PARP8: variants seen among roughly 807,000 people sequenced by gnomAD.
PARP8 encodes protein mono-ADP-ribosyltransferase PARP8.
A neutral mutation model predicts 124.1 loss-of-function variants in PARP8; 51 were observed. That is an observed-to-expected ratio of 0.41 (90% CI 0.33 to 0.52). The LOEUF (loss-of-function observed/expected upper bound fraction) is 0.52, where lower values mean the gene tolerates loss of function less well. Among genes scored for constraint, PARP8 ranks in the 20% least tolerant of loss-of-function variants. PARP8 has a pLI of 0.21. For synonymous variants in PARP8, 391 were observed against 361.5 expected, an observed-to-expected ratio of 1.08 and a Z score of -0.93; for missense variants, 860 against 1,018.9, an observed-to-expected ratio of 0.84 and a Z score of 2.12.
chr5:50,756,667 T>G (rs282552), intron 3 of PARP8, among the ~76,000 whole-genome samples: 135,978 of 152,152 alleles, frequency 0.89, 60,800 homozygotes, highest in East Asian at 0.96. Flanking sequence ...TATAGTCAAG[T>G]TATACAACAG....
At chr5:50,674,667 A>G (rs1247748120) in intron 2 of PARP8, among the ~76,000 whole-genome samples, 3 of 152,080 alleles carry the variant, frequency 2.0e-5, no homozygotes, top group Non-Finnish European at 4.4e-5. Flanking sequence ...CATGCTTCCT[A>G]ACATCTACAT....
chr5:50,722,139 G>A (rs1755954549), intron 2 of PARP8, among the ~76,000 whole-genome samples: 1 of 152,046 alleles, frequency 6.6e-6, no homozygotes, highest in Non-Finnish European at 1.5e-5. Flanking sequence ...CTGAGTAGTT[G>A]TTTTTGAGAA....
At chr5:50,686,677 A>G (rs1359234370) in intron 2 of PARP8, among the ~76,000 whole-genome samples, 1 of 152,188 alleles carries the variant, frequency 6.6e-6, no homozygotes, top group Non-Finnish European at 1.5e-5. Flanking sequence ...TACATCCTCT[A>G]AAATCTAGAG....
chr5:50,744,421 G>A (rs2149539769), intron 2 of PARP8, among the ~76,000 whole-genome samples: 1 of 152,312 alleles, frequency 6.6e-6, no homozygotes, highest in East Asian at 1.9e-4. Flanking sequence ...TAGATATGGA[G>A]CAACTGACAG....
chr5:50,730,985 AG>A (rs1374846856), intron 2 of PARP8, among the ~76,000 whole-genome samples: 1 of 152,246 alleles, frequency 6.6e-6, no homozygotes, highest in African/African-American at 2.4e-5. Context: ...ACTTTGAGCA[AG>A]AAAGATTAGA....
chr5:50,824,835 C>G (rs2149707358), intron 17 of PARP8, 73 bp from the exon 18 acceptor site: 2 of 1,276,676 alleles, frequency 1.6e-6, no homozygotes, highest in East Asian at 2.3e-5. Flanking sequence ...ATCGTTTGGT[C>G]TGATTTTCCT....
chr5:50,687,797 C>G lies in PARP8; in HGVS notation c.146+19672C>G, dbSNP rs10069391. Among the ~76,000 whole-genome samples the G allele has an allele frequency of 2.2e-3, 336 of 152,234 alleles. 1 individual carries two copies. Among genetic ancestry groups the G allele is most frequent in the African/African-American group, 7.7e-3 (319 of 41,550 alleles). On this transcript the variant is annotated intron_variant, in intron 2 of 25. Transcript: ENST00000281631. ...TTACTCACTGTCACGAAAGCAGCAC[C>G]AGAAGGAACTGCCCCCATGATTCAA...
rs1291988718 is a variant in PARP8 at position 50,843,317 on chromosome 5, G to C, written c.*1249G>C. ...CATTCATGAAAGCAGTTTAATTAGT[G>C]AGTCTGCCACTCTATTCAAACCCTG... On this transcript the variant is annotated 3_prime_UTR_variant, in exon 26 of 26. Coordinates refer to ENST00000281631, the MANE Select transcript of PARP8 (RefSeq NM_024615.4). 2 of 151,558 alleles carry C rather than the reference G, an allele frequency of 1.3e-5. No homozygotes were observed. The highest frequency in any genetic ancestry group is 4.8e-5 in the African/African-American group (2 of 41,304). 9.4% of individuals were successfully genotyped at this position (151,558 alleles called of 1,614,324 possible). A position where few individuals can be genotyped will look rare whatever the true frequency, so the allele number is the denominator to read the frequency against.
chr5:50,813,709 TATG>T (rs1205362896), intron 14 of PARP8, among the ~76,000 whole-genome samples: 1 of 152,192 alleles, frequency 6.6e-6, no homozygotes, highest in Non-Finnish European at 1.5e-5. Flanking sequence ...TGCCCTTCAG[TATG>T]ATACTTGCTG....
At chr5:50,697,274 A>G (rs757495724) in intron 2 of PARP8, among the ~76,000 whole-genome samples, 52 of 152,314 alleles carry the variant, frequency 3.4e-4, no homozygotes, top group Non-Finnish European at 6.0e-4. Flanking sequence ...AAACAAAAAA[A>G]AAGAATGAGT....
At chr5:50,832,945 A>G in intron 23 of PARP8, 91 bp downstream of exon 23, 2 of 1,159,826 alleles carry the variant, frequency 1.7e-6, no homozygotes, top group South Asian at 2.7e-5. Context: ...TTTAAGTCTG[A>G]AAAATTATTT....
intron 2 of PARP8, chr5:50,739,144 T>C (rs932910532): frequency 8.6e-6 from 6 of 696,336 alleles, no homozygotes; most frequent in Non-Finnish European, 1.3e-5. Flanking sequence ...CCAACAACCA[T>C]TGAGGCCAAA....
chr5:50,668,279 T>A (rs947355420), intron 2 of PARP8, 154 bp downstream of exon 2: 2 of 695,866 alleles, frequency 2.9e-6, no homozygotes, highest in Non-Finnish European at 5.1e-6. Flanking sequence ...TCCCTCGGTT[T>A]TAAATAGCAG....
In PARP8 at chr5:50,783,999, G is replaced by GT. The variant is rs751319854; in HGVS notation, c.671-4518dup. 5.6e-4 allele frequency among the ~76,000 whole-genome samples: 85 copies of GT among 152,188 alleles called. 1 individual carries two copies. The highest frequency in any genetic ancestry group is 9.6e-4 in the East Asian group (5 of 5,192). On this transcript the variant is annotated intron_variant, in intron 9 of 25. Transcript: ENST00000281631. ...TATTTACAAAAAGTTGATATTTTAT[G>GT]TTTTTTATGAAAACTTTTTGAAATA...
chr5:50,841,769 A>G (rs1748210617), intron 25 of PARP8, among the ~76,000 whole-genome samples, 197 bp from the exon 26 acceptor site: 1 of 151,664 alleles, frequency 6.6e-6, no homozygotes. Flanking sequence ...AGAAAGGGGA[A>G]AATTTAGGCA....
Position 50,681,347 on chromosome 5 carries a change from G to A in PARP8, c.146+13222G>A, listed in dbSNP as rs182737970. Among the ~76,000 whole-genome samples, 109 of 152,058 alleles carry A rather than the reference G, an allele frequency of 7.2e-4. 4 individuals carry two copies. The highest frequency in any genetic ancestry group is 2.4e-3 in the African/African-American group (100 of 41,516). Reference sequence around the variant, plus strand: ...TTGGCCCTAAAATTAGGTGAATTCAGCTTTGGGTCTATTTCATCCATTCTG... The same window carrying A: ...TTGGCCCTAAAATTAGGTGAATTCAACTTTGGGTCTATTTCATCCATTCTG... On this transcript the variant is annotated intron_variant, in intron 2 of 25. Coordinates refer to ENST00000281631, the MANE Select transcript of PARP8 (RefSeq NM_024615.4).
chr5:50,824,678 G>T (rs955237326), intron 17 of PARP8, among the ~76,000 whole-genome samples: 11 of 152,060 alleles, frequency 7.2e-5, no homozygotes, highest in Non-Finnish European at 1.5e-5. Flanking sequence ...CTAAAATCGG[G>T]ACAAGTCTTT....
At chr5:50,832,716 C>T in intron 22 of PARP8, 65 bp from the exon 23 acceptor site, 2 of 1,494,134 alleles carry the variant, frequency 1.3e-6, no homozygotes, top group Non-Finnish European at 9.3e-7. Context: ...CATAGTAGGT[C>T]GATTGTACTT....
intron 25 of PARP8, among the ~76,000 whole-genome samples, chr5:50,838,959 C>T (rs995243989): frequency 3.3e-5 from 5 of 151,914 alleles, no homozygotes; most frequent in African/African-American, 1.2e-4. Context: ...GAATTCTGCT[C>T]ACCCTATGTT....
Sources: allele counts gnomAD v4.1 joint callset (sites outside exome capture counted in the v4.1 genomes callset), GRCh38; gene constraint gnomAD v4.1.1; transcripts MANE v1.5; gene names NCBI Gene and HGNC (gene_info 2026-07-23, HGNC 2026-07-21).